Variants in MTMR2 observed in about 807,000 individuals in gnomAD.
MTMR2 encodes myotubularin related protein 2, also known as phosphatidylinositol-3,5-bisphosphate 3-phosphatase MTMR2.
Under a neutral mutation model 86.9 loss-of-function variants are expected in MTMR2, and 55 were observed. That is an observed-to-expected ratio of 0.63 (90% confidence interval 0.51 to 0.79). The LOEUF is 0.79. Among genes scored for constraint, MTMR2 ranks in the 30% least tolerant of loss-of-function variants. The pLI, the probability that MTMR2 is intolerant of heterozygous loss-of-function variation, is 0.00. For missense variants in MTMR2, 659 were observed against 772.3 expected (o/e 0.85, Z 1.74); for synonymous variants, 241 against 266.8 (o/e 0.90, Z 0.94).
chr11:95,835,740 C>G (rs186005211), intron 14 of MTMR2, among the ~76,000 whole-genome samples: 1 of 152,154 alleles, frequency 6.6e-6, no homozygotes, highest in East Asian at 1.9e-4. Flanking sequence ...AGACAGTAGT[C>G]AGAAGATTCC....
intron 1 of MTMR2, among the ~76,000 whole-genome samples, chr11:95,899,941 T>A (rs1866010833): frequency 6.6e-6 from 1 of 152,120 alleles, no homozygotes; most frequent in Non-Finnish European, 1.5e-5. Context: ...CATCAAACAT[T>A]TCTGAGTAGA....
chr11:95,888,765 T>C (rs960704983), intron 1 of MTMR2, among the ~76,000 whole-genome samples: 1 of 151,622 alleles, frequency 6.6e-6, no homozygotes, highest in Non-Finnish European at 1.5e-5. Context: ...CATACAAATA[T>C]CTATGGGAGA....
chr11:95,912,188 T>C (rs532520372), intron 1 of MTMR2, among the ~76,000 whole-genome samples: 3 of 150,390 alleles, frequency 2.0e-5, no homozygotes, highest in Non-Finnish European at 4.4e-5. Context: ...AAGCTAAAAA[T>C]CAAAATACTG....
intron 1 of MTMR2, among the ~76,000 whole-genome samples, chr11:95,907,498 C>A (rs1241470594): frequency 6.6e-6 from 1 of 151,994 alleles, no homozygotes; most frequent in African/African-American, 2.4e-5. Context: ...GGAGGAAGGA[C>A]TCCCTAACTC....
intron 12 of MTMR2, 147 bp downstream of exon 12, chr11:95,841,470 G>A (rs1298087316): frequency 5.5e-6 from 4 of 724,446 alleles, no homozygotes; most frequent in Non-Finnish European, 1.0e-5. Flanking sequence ...GATTCATAAT[G>A]TGACAATAAA....
chr11:95,858,670 CTACT>C, intron 5 of MTMR2, 38 bp from the exon 6 acceptor site: 2 of 1,284,346 alleles, frequency 1.6e-6, no homozygotes, highest in Middle Eastern at 2.0e-4. Flanking sequence ...TAATTGTTCA[CTACT>C]TACTTAAATG....
At chr11:95,923,721 G>C in intron 1 of MTMR2, 154 bp downstream of exon 1, 3 of 1,454,128 alleles carry the variant, frequency 2.1e-6, no homozygotes, top group Non-Finnish European at 2.7e-6. Flanking sequence ...ACGCCCCAGG[G>C]AGGGAGGCAG....
At chr11:95,874,999 C>A (rs1487232465) in intron 2 of MTMR2, among the ~76,000 whole-genome samples, 4 of 152,026 alleles carry the variant, frequency 2.6e-5, no homozygotes, top group African/African-American at 9.7e-5. Flanking sequence ...TTGTGGATAA[C>A]CTGACCTTTC....
At chr11:95,840,327 C>T (rs547219) in intron 12 of MTMR2, among the ~76,000 whole-genome samples, 48,072 of 151,764 alleles carry the variant, frequency 0.32, 13,005 homozygotes, top group African/African-American at 0.74. Flanking sequence ...GAGTCAAAGG[C>T]TATTTAAAAC....
At chr11:95,852,169 C>T (rs955867613) in intron 7 of MTMR2, among the ~76,000 whole-genome samples, 1 of 152,132 alleles carries the variant, frequency 6.6e-6, no homozygotes. Flanking sequence ...CTCTTTACAC[C>T]CAAACACACA....
At position 95,849,837 on chromosome 11, in the gene MTMR2, C is replaced by A; in HGVS notation, c.830G>T (p.Ser277Ile). 6.2e-7 allele frequency: 1 copy of A among 1,614,108 alleles called. No individual in the cohort carries two copies. The highest frequency in any genetic ancestry group is 8.5e-7 in the Non-Finnish European group (1 of 1,179,986). The change falls in exon 9 of 15, where the codon AGT becomes ATT. Residue 277 changes from serine to isoleucine, a missense_variant. Ser to Ile is a moderately radical substitution (Grantham distance 142, BLOSUM62 -2). This residue lies in a region of MTMR2 where 387 missense variants were observed against 526.3 expected (regional missense o/e 0.74). Coordinates refer to ENST00000346299, the MANE Select transcript of MTMR2 (RefSeq NM_016156.6). ...IPVLSWIHPE[S>I]QATITRCSQP... ...GCTACACCGAGTGATTGTGGCTTGA[C>A]TTTCAGGATGAATCCATGATAAAAC...
intron 2 of MTMR2, among the ~76,000 whole-genome samples, chr11:95,877,677 A>T (rs1006027270): frequency 3.3e-5 from 5 of 152,080 alleles, no homozygotes; most frequent in Non-Finnish European, 5.9e-5. Flanking sequence ...TCCTCACAAG[A>T]AGACAGCAAT....
chr11:95,882,710 T>C (rs1474550222), intron 2 of MTMR2, among the ~76,000 whole-genome samples: 2 of 149,770 alleles, frequency 1.3e-5, no homozygotes, highest in Non-Finnish European at 3.0e-5. Flanking sequence ...ATAAAAGACA[T>C]AATTATTTTG....
Position 95,843,276 on chromosome 11 carries a change from T to G in MTMR2, c.1387-1567A>C, listed in dbSNP as rs184811511. Among the ~76,000 whole-genome samples the G allele has an allele frequency of 2.1e-3, 322 of 152,322 alleles. 4 individuals are homozygous for G. Among genetic ancestry groups the G allele is most frequent in the African/African-American group, 7.2e-3 (300 of 41,584 alleles). Reference sequence around the variant, plus strand: ...TGGTGATGATTAACAAGTGTGATTTTATGGTATTATATGATGAAATGCATT... The same window carrying G: ...TGGTGATGATTAACAAGTGTGATTTGATGGTATTATATGATGAAATGCATT... On this transcript the variant is annotated intron_variant, in intron 11 of 14. Coordinates refer to ENST00000346299, the MANE Select transcript of MTMR2 (RefSeq NM_016156.6).
intron 2 of MTMR2, among the ~76,000 whole-genome samples, chr11:95,875,102 T>C (rs1865053599): frequency 1.3e-5 from 2 of 152,158 alleles, no homozygotes; most frequent in South Asian, 4.1e-4. Context: ...AGGAGTATCT[T>C]TGTGGCATTC....
intron 1 of MTMR2, among the ~76,000 whole-genome samples, chr11:95,905,339 A>ATG (rs1565383935): frequency 2.9e-5 from 4 of 136,366 alleles, no homozygotes; most frequent in Non-Finnish European, 6.4e-5. Flanking sequence ...GCGCACACAC[A>ATG]CACACACACA....
intron 2 of MTMR2, among the ~76,000 whole-genome samples, chr11:95,876,898 A>C (rs1277007127): frequency 6.6e-6 from 1 of 152,150 alleles, no homozygotes; most frequent in Non-Finnish European, 1.5e-5. Flanking sequence ...TTAGGAAATT[A>C]CTATAAACTC....
At position 95,845,090 on chromosome 11, in the gene MTMR2, A is replaced by G. The variant is rs757834677; in HGVS notation, c.1249T>C (p.Cys417Arg). ...GCTGTGCGATCCCAACCATCACTGC[A>G]ATGCACTACCACAGACGTCTTCCCT... ...ESGKTSVVVHCSDGWDRTAQL... is the reference protein window; with the variant it reads ...ESGKTSVVVHRSDGWDRTAQL... The change falls in exon 11 of 15, where the codon TGC becomes CGC. Residue 417 changes from cysteine (C) to arginine (R), a missense_variant. By Grantham distance (180) the Cys-to-Arg change is radical (BLOSUM62 -3). Coordinates refer to ENST00000346299, the MANE Select transcript of MTMR2 (RefSeq NM_016156.6). The G allele has an allele frequency of 6.2e-7, 1 of 1,614,002 alleles. No individual in the cohort carries two copies. Among genetic ancestry groups the G allele is most frequent in the South Asian group, 1.1e-5 (1 of 91,080 alleles).
At chr11:95,920,230 A>G (rs944320975) in intron 1 of MTMR2, among the ~76,000 whole-genome samples, 1 of 152,248 alleles carries the variant, frequency 6.6e-6, no homozygotes, top group African/African-American at 2.4e-5. Flanking sequence ...AATGGCCAAC[A>G]GCAAGATATA....
Sources: gnomAD v4.1 joint callset for allele counts (sites outside exome capture counted in the v4.1 genomes callset) on GRCh38, gnomAD v4.1.1 for gene constraint, gnomAD v4.1.1 regional missense constraint, MANE v1.5 for transcripts, NCBI Gene and HGNC (gene_info 2026-07-23, HGNC 2026-07-21) for gene names.